CPNE3: variants seen among roughly 807,000 people sequenced by gnomAD.
CPNE3 encodes the protein copine 3.
CPNE3 carries 68 observed loss-of-function variants against 63.9 expected under a neutral mutation model. The ratio of observed to expected loss-of-function variants is 1.06; its 90% CI spans 0.87 to 1.30. The LOEUF (loss-of-function observed/expected upper bound fraction) is 1.30. Among genes scored for constraint, CPNE3 ranks in the 50% most tolerant of loss-of-function variants. CPNE3 has a pLI of 0.00. For synonymous variants in CPNE3, 219 were observed against 197.5 expected (o/e 1.11, Z -0.91); for missense variants, 665 against 578.1 (o/e 1.15, Z -1.54).
chr8:86,536,056 TC>T (rs1820796710), intron 6 of CPNE3, among the ~76,000 whole-genome samples: 1 of 152,054 alleles, frequency 6.6e-6, no homozygotes, highest in African/African-American at 2.4e-5. Context: ...GGCTCTAAAA[TC>T]TACAAAACAA....
At chr8:86,527,586 G>A (rs1295288257) in intron 2 of CPNE3, among the ~76,000 whole-genome samples, 1 of 152,138 alleles carries the variant, frequency 6.6e-6, no homozygotes, top group African/African-American at 2.4e-5. Context: ...ATCATCCAAG[G>A]AACTGATGTC....
At position 86,556,089 on chromosome 8, in the gene CPNE3, C is replaced by G. The variant is rs1470055074; in HGVS notation, c.1255-13C>G. 1 of 871,970 alleles carries G rather than the reference C, an allele frequency of 1.1e-6. No homozygotes were observed. The highest frequency in any genetic ancestry group is 2.0e-6 in the Non-Finnish European group (1 of 500,914). The allele number at this position is 871,970 out of a possible 1,614,324, so 54.0% of individuals were successfully genotyped here. A position where few individuals can be genotyped will look rare whatever the true frequency, so the allele number is the denominator to read the frequency against. On this transcript the variant is annotated splice_polypyrimidine_tract_variant and intron_variant, in intron 15 of 16. Coordinates refer to ENST00000517490, the MANE Select transcript of CPNE3 (RefSeq NM_003909.5). ...TTGACTTGCTCAGGGGACATGTTTT[C>G]TTTTTCTGGCAGCAATATTTTGTGC...
intron 4 of CPNE3, among the ~76,000 whole-genome samples, chr8:86,530,200 C>T (rs958152324): frequency 4.8e-5 from 7 of 145,460 alleles, no homozygotes; most frequent in Non-Finnish European, 1.0e-4. Context: ...GACAGGGTCT[C>T]ACTAAGTCAC....
chr8:86,532,108 A>T (rs766567688), intron 5 of CPNE3, among the ~76,000 whole-genome samples: 1 of 152,218 alleles, frequency 6.6e-6, no homozygotes, highest in Non-Finnish European at 1.5e-5. Flanking sequence ...GTTACACTGG[A>T]TGAAAAACAT....
intron 14 of CPNE3, among the ~76,000 whole-genome samples, chr8:86,551,725 G>A (rs943297392): frequency 4.6e-5 from 7 of 152,184 alleles, no homozygotes; most frequent in African/African-American, 9.7e-5. Flanking sequence ...ATAAGTAGCT[G>A]GGATGGGCAA....
chr8:86,533,884 C>G (rs572093628), intron 6 of CPNE3, among the ~76,000 whole-genome samples: 63 of 130,496 alleles, frequency 4.8e-4, no homozygotes, highest in African/African-American at 1.7e-3. Flanking sequence ...TTTCCTCCCT[C>G]CCTTCCTTCC....
At chr8:86,523,281 A>T (rs1462843903) in intron 2 of CPNE3, among the ~76,000 whole-genome samples, 1 of 152,206 alleles carries the variant, frequency 6.6e-6, no homozygotes, top group African/African-American at 2.4e-5. Flanking sequence ...TGAAGTTCAG[A>T]TAGACAATTT....
At chr8:86,514,624 G>A (rs1180642424) in intron 1 of CPNE3, 83 bp downstream of exon 1, 1 of 152,252 alleles carries the variant, frequency 6.6e-6, no homozygotes, top group Non-Finnish European at 1.5e-5. Context: ...GGAAAGTCCT[G>A]GCCTGGAGGA....
At chr8:86,555,814 T>G (rs113811531) in intron 15 of CPNE3, among the ~76,000 whole-genome samples, 117 of 152,356 alleles carry the variant, frequency 7.7e-4, no homozygotes, top group African/African-American at 2.7e-3. Flanking sequence ...GAGTTAAAAC[T>G]GTTTATTCCT....
At chr8:86,517,702 C>G (rs904855281) in intron 2 of CPNE3, among the ~76,000 whole-genome samples, 3 of 152,194 alleles carry the variant, frequency 2.0e-5, no homozygotes, top group African/African-American at 7.2e-5. Context: ...TTACTGCCAC[C>G]TAATATACTA....
chr8:86,522,075 A>G (rs1255840597), intron 2 of CPNE3, among the ~76,000 whole-genome samples: 1 of 152,156 alleles, frequency 6.6e-6, no homozygotes, highest in Non-Finnish European at 1.5e-5. Flanking sequence ...CCTTGAATGT[A>G]AGGGTGAAAA....
intron 2 of CPNE3, among the ~76,000 whole-genome samples, chr8:86,521,125 G>A (rs965425377): frequency 3.3e-5 from 5 of 152,140 alleles, no homozygotes; most frequent in African/African-American, 9.7e-5. Flanking sequence ...TGGATATTAA[G>A]TGCAGTATAT....
chr8:86,522,123 C>T (rs72690445), intron 2 of CPNE3, among the ~76,000 whole-genome samples: 34,657 of 151,992 alleles, frequency 0.23, 4,170 homozygotes, highest in Non-Finnish European at 0.27. Flanking sequence ...ACTGCAAATT[C>T]TTTTTGTAGT....
At chr8:86,516,377 A>G (rs1369962622) in intron 2 of CPNE3, among the ~76,000 whole-genome samples, 4 of 152,210 alleles carry the variant, frequency 2.6e-5, no homozygotes, top group African/African-American at 9.6e-5. Flanking sequence ...AACACTTTAT[A>G]GACAATGGTC....
At chr8:86,547,391 T>A (rs1420190437) in intron 10 of CPNE3, 1 of 202,018 alleles carries the variant, frequency 5.0e-6, no homozygotes, top group Admixed American at 6.0e-5. Context: ...TTTTTGTTTT[T>A]TAAAATGTTG....
At chr8:86,528,869 T>G (rs1227911591) in intron 3 of CPNE3, 76 bp from the exon 4 acceptor site, 2 of 1,376,364 alleles carry the variant, frequency 1.5e-6, no homozygotes, top group African/African-American at 2.9e-5. Context: ...ATGTTTATGT[T>G]TAGTATATAA....
intron 8 of CPNE3, among the ~76,000 whole-genome samples, chr8:86,542,820 T>G (rs1469860200): frequency 6.6e-6 from 1 of 151,992 alleles, no homozygotes; most frequent in Non-Finnish European, 1.5e-5. Context: ...TATATATTTA[T>G]TATAGTGAGT....
intron 9 of CPNE3, among the ~76,000 whole-genome samples, chr8:86,546,326 A>G (rs1384939123): frequency 6.6e-6 from 1 of 152,176 alleles, no homozygotes. Context: ...GAACATTTGC[A>G]AGGAAATTAC....
chr8:86,538,853 C>G (rs1421151332), intron 7 of CPNE3, among the ~76,000 whole-genome samples: 1 of 152,172 alleles, frequency 6.6e-6, no homozygotes, highest in Non-Finnish European at 1.5e-5. Context: ...ACCGCCAGAT[C>G]TCACCATGAT....
Sources: allele counts gnomAD v4.1 joint callset (sites outside exome capture counted in the v4.1 genomes callset), GRCh38; gene constraint gnomAD v4.1.1; transcripts MANE v1.5; gene names NCBI Gene and HGNC (gene_info 2026-07-23, HGNC 2026-07-21).